The following PPP2R5C variants were observed in gnomAD, a reference collection of about 807,000 sequenced individuals.
PPP2R5C encodes the protein protein phosphatase 2 regulatory subunit B'gamma.
In PPP2R5C, 7 loss-of-function variants were observed where a neutral mutation model predicts 68.9. The observed-to-expected ratio is 0.10, with a 90% CI of 0.06 to 0.19. PPP2R5C has a LOEUF of 0.19. PPP2R5C is among the 10% of genes least tolerant of loss of function. The pLI, the probability that PPP2R5C is intolerant of heterozygous loss-of-function variation, is 1.00. For missense variants in PPP2R5C, 348 were observed against 641.3 expected (o/e 0.54, Z 4.94); for synonymous variants, 210 against 222.2 (o/e 0.95, Z 0.49).
At chr14:101,902,426 G>A (rs973854327) in intron 9 of PPP2R5C, among the ~76,000 whole-genome samples, 2 of 152,104 alleles carry the variant, frequency 1.3e-5, no homozygotes, top group African/African-American at 2.4e-5. Context: ...AGCCAGCCTC[G>A]GCTCATCACC....
chr14:101,798,171 C>T (rs889924778), intron 3 of PPP2R5C, among the ~76,000 whole-genome samples: 2 of 151,480 alleles, frequency 1.3e-5, no homozygotes, highest in African/African-American at 4.9e-5. Context: ...AAAAAAAGTG[C>T]TGGCCAGCGC....
At chr14:101,863,767 AG>A (rs1323432701) in intron 2 of PPP2R5C, among the ~76,000 whole-genome samples, 1 of 152,152 alleles carries the variant, frequency 6.6e-6, no homozygotes, top group Non-Finnish European at 1.5e-5. Context: ...GCGTGGTGGC[AG>A]GCGCCTGTAA....
rs1029535288 is a variant in PPP2R5C, at chr14:101,825,214, G to A, written c.94+15178G>A. On this transcript the variant is annotated intron_variant, in intron 1 of 13. Transcript: ENST00000334743. This position sits in a 1 kb window ranked among gnomAD's most constrained non-coding sequence, Gnocchi z 4.0. ...GATAGGATAAGAGGGTTTTCAGCGT[G>A]TGTGTGTGTGTGTGTGTGTGTGTGT... Among the ~76,000 whole-genome samples the A allele has an allele frequency of 1.6e-4, 4 of 24,636 alleles. No individual in the cohort carries two copies. The highest frequency in any genetic ancestry group is 6.4e-3 in the South Asian group (2 of 312). The allele number at this position is 24,636 out of a possible 152,430, so 16.2% of individuals were successfully genotyped here.
At chr14:101,910,309 T>A (rs1019710581) in intron 11 of PPP2R5C, among the ~76,000 whole-genome samples, 7 of 152,204 alleles carry the variant, frequency 4.6e-5, no homozygotes, top group Non-Finnish European at 1.0e-4. Flanking sequence ...ATTGGCAGAT[T>A]TTATTTTTTG....
chr14:101,868,312 C>A (rs1195691839), intron 2 of PPP2R5C, among the ~76,000 whole-genome samples: 6 of 151,918 alleles, frequency 3.9e-5, no homozygotes, highest in Admixed American at 6.5e-5. Context: ...TTTGTTCTTA[C>A]GATTTTGAGA....
chr14:101,779,626 G>A (rs776963218), intron 2 of PPP2R5C, among the ~76,000 whole-genome samples: 2 of 152,214 alleles, frequency 1.3e-5, no homozygotes, highest in East Asian at 1.9e-4. Context: ...ATTGAGAGAT[G>A]AGTCCTGGAA....
chr14:101,790,564 T>C (rs2038311842), intron 3 of PPP2R5C, among the ~76,000 whole-genome samples: 1 of 152,234 alleles, frequency 6.6e-6, no homozygotes, highest in African/African-American at 2.4e-5. Flanking sequence ...ATCTGTGTTG[T>C]TTCTTTTTAA....
At chr14:101,912,464 C>G (rs753607700) in exon 12 of PPP2R5C, 11 of 1,600,986 alleles carry the variant, frequency 6.9e-6, no homozygotes, top group Non-Finnish European at 9.3e-6. Flanking sequence ...TAGCCAAAGC[C>G]AATCCCCAGG....
In PPP2R5C at chr14:101,775,732, G is replaced by T. The variant is rs547917376; in HGVS notation, c.94-10286G>T. On this transcript the variant is annotated intron_variant, in intron 2 of 14. Transcript: ENST00000328724. ...CAGGGCCAGCAGTCCACCTACCCTG[G>T]CTAGGAACCTGAACTCCTGCATAAT... is the stretch of plus-strand genomic sequence containing the variant. Among the ~76,000 whole-genome samples, 20 of 152,286 alleles carry T rather than the reference G, an allele frequency of 1.3e-4. No individual in the cohort carries two copies. The South Asian group carries it at 4.1e-3, about 32-fold the overall frequency.
chr14:101,819,192 G>A (rs1595254781), intron 1 of PPP2R5C: 1 of 1,005,104 alleles, frequency 9.9e-7, no homozygotes, highest in Non-Finnish European at 1.5e-6. Flanking sequence ...CCAGCTTTAT[G>A]TAATTGGTCA....
intron 2 of PPP2R5C, among the ~76,000 whole-genome samples, chr14:101,868,769 A>G (rs2043229214): frequency 6.6e-6 from 1 of 152,224 alleles, no homozygotes; most frequent in Non-Finnish European, 1.5e-5. Context: ...ATATCTTTCC[A>G]TAACTTTTTT....
intron 2 of PPP2R5C, chr14:101,765,310 A>G: frequency 1.4e-6 from 1 of 700,992 alleles, no homozygotes; most frequent in South Asian, 1.5e-5. Context: ...TTTTTCAGGA[A>G]TACAAGTTGG....
chr14:101,897,896 C>G (rs1741136), intron 8 of PPP2R5C, among the ~76,000 whole-genome samples: 25,871 of 152,018 alleles, frequency 0.17, 2,810 homozygotes, highest in African/African-American at 0.3. Flanking sequence ...GGCTCATGCC[C>G]CTAATCCCAG....
intron 13 of PPP2R5C, among the ~76,000 whole-genome samples, chr14:101,918,480 C>T (rs1156731530): frequency 1.9e-5 from 1 of 53,520 alleles, no homozygotes; most frequent in Non-Finnish European, 3.5e-5. Flanking sequence ...TCCTCTGGCC[C>T]CCCACCCCTC....
At chr14:101,862,096 G>A (rs1260670740) in intron 2 of PPP2R5C, among the ~76,000 whole-genome samples, 2 of 151,990 alleles carry the variant, frequency 1.3e-5, no homozygotes, top group African/African-American at 2.4e-5. Context: ...AAATTTTTTT[G>A]TAGACACGGG....
intron 1 of PPP2R5C, among the ~76,000 whole-genome samples, chr14:101,848,783 C>T (rs1214857914): frequency 2.0e-5 from 3 of 152,158 alleles, no homozygotes; most frequent in Non-Finnish European, 4.4e-5. Context: ...TGGAAGGAGA[C>T]TCACGTCTCA....
intron 2 of PPP2R5C, among the ~76,000 whole-genome samples, chr14:101,872,976 A>G (rs189635681): frequency 6.6e-5 from 10 of 150,780 alleles, no homozygotes; most frequent in Non-Finnish European, 1.0e-4. Flanking sequence ...GCTTTCTTCA[A>G]CTTCTTTAAT....
At chr14:101,761,707 C>CCGCCGCCGT (rs1428414160), upstream of PPP2R5C, 12 of 556,314 alleles carry the variant, frequency 2.2e-5, no homozygotes, top group African/African-American at 4.3e-5. Context: ...GCCGCCGCCG[C>CCGCCGCCGT]CGCCGCCGTG....
At chr14:101,823,281 G>C (rs1169995284) in intron 1 of PPP2R5C, among the ~76,000 whole-genome samples, 2 of 152,200 alleles carry the variant, frequency 1.3e-5, no homozygotes, top group Non-Finnish European at 2.9e-5. Context: ...AGCAAGCAGT[G>C]CTGCAGAACC....
Sources: allele counts gnomAD v4.1 joint callset (sites outside exome capture counted in the v4.1 genomes callset), GRCh38; gene constraint gnomAD v4.1.1; non-coding constraint Gnocchi (gnomAD v3.1); transcripts MANE v1.5; gene names NCBI Gene and HGNC (gene_info 2026-07-23, HGNC 2026-07-21).